Variants in LRTM3 observed in about 807,000 individuals in gnomAD.
LRTM3 encodes leucine-rich repeat transmembrane protein 3.
chr13:102,733,944 G>A, the LRTM3 span: 60 of 1,551,278 alleles, frequency 3.9e-5, no homozygotes, highest in Middle Eastern at 3.3e-4. Flanking sequence ...TGGAGAGTTC[G>A]CTGTGGACAA....
chr13:102,732,560 T>C, the LRTM3 span: 4 of 1,551,214 alleles, frequency 2.6e-6, no homozygotes, highest in Non-Finnish European at 3.5e-6. Context: ...TTGTTTTGCA[T>C]TAGATGCTTC....
At chr13:102,748,187 G>A in the LRTM3 span, 35 of 1,550,824 alleles carry the variant, frequency 2.3e-5, no homozygotes, top group African/African-American at 9.6e-5. Flanking sequence ...TGCATCAGAC[G>A]TTTCTTTATC....
chr13:102,734,085 C>CT, the LRTM3 span: 2 of 1,551,398 alleles, frequency 1.3e-6, no homozygotes, highest in South Asian at 2.4e-5. Context: ...TCTTTGTGTA[C>CT]TTTTTTCTCC....
At chr13:102,754,655 A>G in the LRTM3 span, among the ~76,000 whole-genome samples, 1 of 152,174 alleles carries the variant, frequency 6.6e-6, no homozygotes, top group Non-Finnish European at 1.5e-5. Flanking sequence ...AGTTGACTAC[A>G]GCCATGCATA....
the LRTM3 span, chr13:102,740,780 C>A: frequency 2.0e-5 from 31 of 1,549,066 alleles, no homozygotes; most frequent in African/African-American, 3.8e-4. Flanking sequence ...AAAAAGCAAG[C>A]CAATTCCTTT....
chr13:102,756,617 T>C, the LRTM3 span, among the ~76,000 whole-genome samples: 1 of 132,466 alleles, frequency 7.5e-6, no homozygotes, highest in Non-Finnish European at 1.5e-5. Context: ...GAGGTTGCAG[T>C]GAGCTGAGGT....
the LRTM3 span, chr13:102,733,241 C>T: frequency 3.2e-6 from 5 of 1,551,352 alleles, no homozygotes; most frequent in Middle Eastern, 1.7e-4. Context: ...GGGGGCATTC[C>T]AGTTGGTGAC....
the LRTM3 span, among the ~76,000 whole-genome samples, chr13:102,756,673 T>TAAAAAAAAAA: frequency 3.7e-4 from 25 of 66,996 alleles, 1 homozygote; most frequent in African/African-American, 1.1e-3. Flanking sequence ...AAACTCTGTC[T>TAAAAAAAAAA]AAAAAAAAAA....
chr13:102,735,556 T>C, the LRTM3 span: 1 of 1,551,052 alleles, frequency 6.4e-7, no homozygotes, highest in Non-Finnish European at 8.7e-7. Context: ...TCCACTGCAA[T>C]TTTTTGGTAT....
chr13:102,729,474 G>C, the LRTM3 span: 1 of 1,456,722 alleles, frequency 6.9e-7, no homozygotes, highest in Non-Finnish European at 9.1e-7. Flanking sequence ...ACGGTAGTAA[G>C]GGACCCCGAG....
the LRTM3 span, chr13:102,739,722 A>G: frequency 1.9e-6 from 3 of 1,549,334 alleles, no homozygotes; most frequent in Non-Finnish European, 2.6e-6. Context: ...TTTCCCTGTG[A>G]TATGTGTTGT....
chr13:102,755,947 A>G, the LRTM3 span, among the ~76,000 whole-genome samples: 17,227 of 77,758 alleles, frequency 0.22, 1,328 homozygotes, highest in South Asian at 0.25. Context: ...ATATACATAT[A>G]TATATATATA....
At chr13:102,754,691 G>A in the LRTM3 span, among the ~76,000 whole-genome samples, 18 of 152,128 alleles carry the variant, frequency 1.2e-4, no homozygotes, top group Non-Finnish European at 1.6e-4. Context: ...CATTAGGTAC[G>A]TCTCCCCATT....
chr13:102,738,531 A>G, the LRTM3 span: 94 of 1,550,556 alleles, frequency 6.1e-5, no homozygotes, highest in Non-Finnish European at 7.9e-5. Flanking sequence ...GAAATTGATG[A>G]TTTCATTTTC....
At chr13:102,756,673 T>TAAAAA in the LRTM3 span, among the ~76,000 whole-genome samples, 23 of 67,000 alleles carry the variant, frequency 3.4e-4, no homozygotes, top group South Asian at 4.7e-4. Context: ...AAACTCTGTC[T>TAAAAA]AAAAAAAAAA....
chr13:102,742,084 C>A, the LRTM3 span: 8 of 1,550,432 alleles, frequency 5.2e-6, no homozygotes, highest in South Asian at 9.5e-5. Context: ...GCTTGTCTTT[C>A]TCCATTTTTA....
chr13:102,748,779 CTTT>C, the LRTM3 span: 2 of 1,550,366 alleles, frequency 1.3e-6, no homozygotes, highest in Non-Finnish European at 1.7e-6. Context: ...AAACAAGGTG[CTTT>C]TAGTTGAACA....
the LRTM3 span, chr13:102,758,897 T>C: frequency 3.2e-6 from 5 of 1,544,228 alleles, no homozygotes; most frequent in South Asian, 6.0e-5. Context: ...GTCCACTCCC[T>C]ACCCCTTTTT....
the LRTM3 span, chr13:102,746,802 T>G: frequency 6.4e-7 from 1 of 1,551,302 alleles, no homozygotes. Flanking sequence ...TAACTTTCTC[T>G]TGTTTGGTTT....
Sources: allele counts gnomAD v4.1 joint callset (sites outside exome capture counted in the v4.1 genomes callset), GRCh38; gene constraint gnomAD v4.1.1; transcripts MANE v1.5; gene names NCBI Gene and HGNC (gene_info 2026-07-23, HGNC 2026-07-21).